The following EIF1AD variants were observed in gnomAD, a reference collection of about 807,000 sequenced individuals.
EIF1AD encodes the protein eukaryotic translation initiation factor 1A domain containing.
In EIF1AD, 9 loss-of-function variants were observed where a neutral mutation model predicts 21.7. That is an observed-to-expected ratio of 0.41 (90% confidence interval 0.25 to 0.72). The LOEUF (loss-of-function observed/expected upper bound fraction) is 0.72. Among genes scored for constraint, EIF1AD ranks in the 30% least tolerant of loss-of-function variants. The pLI, the probability that EIF1AD is intolerant of heterozygous loss-of-function variation, is 0.29. For synonymous variants in EIF1AD, 78 were observed against 70.9 expected (o/e 1.10, Z -0.50); for missense variants, 164 against 199.7 (o/e 0.82, Z 1.08).
At chr11:65,998,815 CAA>C in intron 5 of EIF1AD, 72 bp from the exon 6 acceptor site, 1 of 1,549,928 alleles carries the variant, frequency 6.5e-7, no homozygotes, top group Middle Eastern at 1.8e-4. Context: ...CAAGGAGTTC[CAA>C]AAAAAGGACC....
At position 66,000,471 on chromosome 11, in the gene EIF1AD, C is replaced by A. The variant is rs1188633632; in HGVS notation, c.-82G>T. ...GTTCCTTGGATGGCAGGCTCAGAACCCAGGACTGTTCTGAAGATGGGGAGG... is the reference window on the plus strand; with the variant it reads ...GTTCCTTGGATGGCAGGCTCAGAACACAGGACTGTTCTGAAGATGGGGAGG... On this transcript the variant is annotated 5_prime_UTR_variant, in exon 2 of 6. Transcript: ENST00000533544. 1 of 1,400,998 alleles carries A rather than the reference C, an allele frequency of 7.1e-7. No individual in the cohort carries two copies. Among genetic ancestry groups the A allele is most frequent in the Non-Finnish European group, 9.9e-7 (1 of 1,015,220 alleles). The allele number at this position is 1,400,998 out of a possible 1,614,324, so 86.8% of individuals were successfully genotyped here. A position where few individuals can be genotyped will look rare whatever the true frequency, so the allele number is the denominator to read the frequency against.
At chr11:65,999,739 G>A in intron 3 of EIF1AD, 64 bp from the exon 4 acceptor site, 1 of 1,216,190 alleles carries the variant, frequency 8.2e-7, no homozygotes, top group South Asian at 1.2e-5. Context: ...CAAAGCCATA[G>A]GAAGGGGTTC....
Position 65,999,619 on chromosome 11 carries a change from A to T in EIF1AD, c.253T>A (p.Ser85Thr). The T allele has an allele frequency of 6.2e-7, 1 of 1,614,008 alleles. No individual in the cohort carries two copies. Among genetic ancestry groups the T allele is most frequent in the Non-Finnish European group, 8.5e-7 (1 of 1,180,024 alleles). The change falls in exon 4 of 6, where the codon TCG becomes ACG. Residue 85 changes from serine to threonine, a missense_variant. Coordinates refer to ENST00000533544, the MANE Select transcript of EIF1AD (RefSeq NM_001242481.2). ...ACGTGGTCCTTGCAGAGCACAAACG[A>T]GATTTCAGCCTTCACCTTTTCTCCC... is the stretch of plus-strand genomic sequence containing the variant. ...EEGEKVKAEI[S>T]FVLCKDHVRS...
chr11:65,998,393 C>A lies in EIF1AD; in HGVS notation c.*206G>T. 2.2e-6 allele frequency: 1 copy of A among 454,374 alleles called. No individual in the cohort carries two copies. Among genetic ancestry groups the A allele is most frequent in the Non-Finnish European group, 3.7e-6 (1 of 266,926 alleles). The allele number at this position is 454,374 out of a possible 1,614,324, so 28.1% of individuals were successfully genotyped here. On this transcript the variant is annotated 3_prime_UTR_variant, in exon 6 of 6. Transcript: ENST00000533544. ...GCAGTTTTTCACTTCATCACAATCTCCCTCCCCCGAGAGAGCCACTCAGAC... is the reference window on the plus strand; with the variant it reads ...GCAGTTTTTCACTTCATCACAATCTACCTCCCCCGAGAGAGCCACTCAGAC...
intron 5 of EIF1AD, 121 bp from the exon 6 acceptor site, chr11:65,998,864 A>T: frequency 8.9e-7 from 1 of 1,117,438 alleles, no homozygotes; most frequent in South Asian, 1.5e-5. Flanking sequence ...AGCACCCTTT[A>T]AAGACTCAAA....
intron 4 of EIF1AD, 31 bp from the exon 5 acceptor site, chr11:65,999,428 G>C (rs748698610): frequency 6.2e-7 from 1 of 1,614,118 alleles, no homozygotes; most frequent in Non-Finnish European, 8.5e-7. Flanking sequence ...AAGTCAGAAA[G>C]GACAAATAAA....
In EIF1AD at chr11:66,000,520, G is replaced by A. The variant is rs556538393; in HGVS notation, c.-116-15C>T. ...GGGGCCTTTTACTGAGGGGTGACAC[G>A]GTGTCTTGGTTAAGAACATGGGTTC... On this transcript the variant is annotated splice_polypyrimidine_tract_variant and intron_variant, in intron 1 of 5. Coordinates refer to ENST00000533544, the MANE Select transcript of EIF1AD (RefSeq NM_001242481.2). 13 of 811,624 alleles carry A rather than the reference G, an allele frequency of 1.6e-5. No homozygotes were observed. The highest frequency in any genetic ancestry group is 5.1e-5 in the African/African-American group (3 of 58,270). The allele number at this position is 811,624 out of a possible 1,614,324, so 50.3% of individuals were successfully genotyped here.
At chr11:65,998,994 G>A (rs567797419) in intron 5 of EIF1AD, among the ~76,000 whole-genome samples, 3 of 152,196 alleles carry the variant, frequency 2.0e-5, no homozygotes, top group South Asian at 2.1e-4. Flanking sequence ...ATGATTCTAC[G>A]ACCACCAACT....
intron 5 of EIF1AD, 134 bp downstream of exon 5, chr11:65,999,216 T>C (rs960680028): frequency 4.0e-6 from 5 of 1,238,620 alleles, no homozygotes; most frequent in Non-Finnish European, 5.7e-6. Flanking sequence ...TTCATAACCA[T>C]GTTATACCAC....
At chr11:66,000,657 G>C in intron 1 of EIF1AD, 152 bp from the exon 2 acceptor site, 2 of 409,014 alleles carry the variant, frequency 4.9e-6, no homozygotes, top group Admixed American at 3.7e-5. Flanking sequence ...AGTATGGTAT[G>C]AGGCCACCAC....
rs1331273404 is a variant in EIF1AD, at chr11:65,999,370, C to G, written c.333G>C (p.Glu111Asp). 2 of 1,614,126 alleles carry G rather than the reference C, an allele frequency of 1.2e-6. No homozygotes were observed. The highest frequency in any genetic ancestry group is 2.7e-5 in the African/African-American group (2 of 74,942). Residue 111 changes from glutamate (E) to aspartate (D), a missense_variant, in exon 5 of 6, where the codon GAG becomes GAC. Glu to Asp is a conservative substitution (Grantham distance 45). Coordinates refer to ENST00000533544, the MANE Select transcript of EIF1AD (RefSeq NM_001242481.2). The part of the protein sequence containing the change: ...FWPEAFSEVA[E>D]KHNNRNRQTQ... ...CTCACCTGTTCCTGTTGTTGTGTTTCTCAGCCACTTCAGAGAAGGCCTCAG... is the reference window on the plus strand; with the variant it reads ...CTCACCTGTTCCTGTTGTTGTGTTTGTCAGCCACTTCAGAGAAGGCCTCAG...
At chr11:65,999,278 A>G in intron 5 of EIF1AD, 72 bp downstream of exon 5, 1 of 1,598,736 alleles carries the variant, frequency 6.3e-7, no homozygotes, top group African/African-American at 1.3e-5. Context: ...AGAAGGCTCT[A>G]TTTTTCCCTC....
chr11:66,001,579 G>A (rs1158987324), intron 1 of EIF1AD, among the ~76,000 whole-genome samples: 4 of 151,958 alleles, frequency 2.6e-5, no homozygotes, highest in Admixed American at 6.6e-5. Context: ...TCTGGAAGGA[G>A]TTTGAAATAA....
intron 3 of EIF1AD, 111 bp downstream of exon 3, chr11:65,999,941 AT>A: frequency 2.3e-6 from 2 of 861,498 alleles, no homozygotes; most frequent in Non-Finnish European, 3.6e-6. Context: ...TGCCCAACTA[AT>A]TTTTTTCTTT....
At position 65,999,426 on chromosome 11, in the gene EIF1AD, A is replaced by G. The variant is rs779238205; in HGVS notation, c.306-29T>C. On this transcript the variant is annotated intron_variant, in intron 4 of 5. Transcript: ENST00000533544. ...TGCCAAGAGATGAGCCAAAGTCAGA[A>G]AGGACAAATAAATTTCTCACAAAAG... is the stretch of plus-strand genomic sequence containing the variant. The G allele has an allele frequency of 2.1e-5, 34 of 1,614,216 alleles. No homozygotes were observed. In the South Asian group the frequency reaches 3.5e-4, roughly 17 times the overall value.
chr11:65,999,605 G>A lies in EIF1AD; in HGVS notation c.267C>T (p.Cys89=). ...KVKAEISFVL[C]KDHVRSLQKE... is the part of the protein sequence containing the mutation. ...TCTGCAGAGAGCGCACGTGGTCCTTGCAGAGCACAAACGAGATTTCAGCCT... is the reference window on the plus strand; with the variant it reads ...TCTGCAGAGAGCGCACGTGGTCCTTACAGAGCACAAACGAGATTTCAGCCT... The change falls in exon 4 of 6, where the codon TGC becomes TGT. Residue 89 remains cysteine, a synonymous_variant. Transcript: ENST00000533544. The A allele has an allele frequency of 1.2e-6, 2 of 1,613,988 alleles. No individual in the cohort carries two copies. Among genetic ancestry groups the A allele is most frequent in the Non-Finnish European group, 1.7e-6 (2 of 1,180,012 alleles).
rs1453164452 is a variant in EIF1AD, at chr11:65,998,644, C to T, written c.453G>A (p.Gln151=). 6.2e-7 allele frequency: 1 copy of T among 1,614,176 alleles called. No individual in the cohort carries two copies. Among genetic ancestry groups the T allele is most frequent in the African/African-American group, 1.3e-5 (1 of 75,022 alleles). ...SDLFVNTNRR[Q]YHESEEESEE... ...CACTCTCCTCCTCACTCTCATGATACTGTCTGCGGTTTGTGTTAACAAACA... is the reference window on the plus strand; with the variant it reads ...CACTCTCCTCCTCACTCTCATGATATTGTCTGCGGTTTGTGTTAACAAACA... Residue 151 remains glutamine, a synonymous_variant, in exon 6 of 6, where the codon CAG becomes CAA. Coordinates refer to ENST00000533544, the MANE Select transcript of EIF1AD (RefSeq NM_001242481.2).
chr11:66,000,897 A>G (rs902824644), intron 1 of EIF1AD, among the ~76,000 whole-genome samples: 22 of 152,274 alleles, frequency 1.4e-4, no homozygotes, highest in African/African-American at 5.3e-4. Context: ...ATGAGAAAGC[A>G]CTGTAAAACT....
rs1855790762 is a variant in EIF1AD at position 65,997,954 on chromosome 11, TAG to T, written c.*643_*644del. ...GGACCATTCAAAACAAAGTTAAGGATAGAGAGATTTGCCAGCCACCTTCTGGA... is the reference window on the plus strand; with the variant it reads ...GGACCATTCAAAACAAAGTTAAGGATAGAGATTTGCCAGCCACCTTCTGGA... On this transcript the variant is annotated 3_prime_UTR_variant, in exon 6 of 6. Transcript: ENST00000533544. 1 of 152,162 alleles carries T rather than the reference TAG, an allele frequency of 6.6e-6. No individual in the cohort carries two copies. The highest frequency in any genetic ancestry group is 1.5e-5 in the Non-Finnish European group (1 of 68,118). The allele number at this position is 152,162 out of a possible 1,614,324, so 9.4% of individuals were successfully genotyped here. A position where few individuals can be genotyped will look rare whatever the true frequency, so the allele number is the denominator to read the frequency against.
Sources: allele counts gnomAD v4.1 joint callset (sites outside exome capture counted in the v4.1 genomes callset), GRCh38; gene constraint gnomAD v4.1.1; transcripts MANE v1.5; gene names NCBI Gene and HGNC (gene_info 2026-07-23, HGNC 2026-07-21).